The following PCDH15 variants were observed in gnomAD, a reference collection of about 807,000 sequenced individuals.
PCDH15 encodes the protein protocadherin related 15, also known as protocadherin-15.
Under a neutral mutation model 178.5 loss-of-function variants are expected in PCDH15, and 129 were observed. The ratio of observed to expected loss-of-function variants is 0.72; its 90% confidence interval spans 0.63 to 0.84. PCDH15 has a LOEUF of 0.84. PCDH15 is among the 40% of genes least tolerant of loss of function. PCDH15 has a pLI of 0.00. For missense variants in PCDH15, 2,230 were observed against 2,099.9 expected, an observed-to-expected ratio of 1.06 and a Z score of -1.21; for synonymous variants, 800 against 732.0, an observed-to-expected ratio of 1.09 and a Z score of -1.50.
At chr10:54,122,443 T>C (rs1334760685) in intron 15 of PCDH15, among the ~76,000 whole-genome samples, 1 of 152,108 alleles carries the variant, frequency 6.6e-6, no homozygotes, top group Non-Finnish European at 1.5e-5. Context: ...AGCATTCCTC[T>C]TGGAAGTGGA....
At chr10:53,940,097 A>G (rs2085921726) in intron 24 of PCDH15, among the ~76,000 whole-genome samples, 1 of 152,156 alleles carries the variant, frequency 6.6e-6, no homozygotes, top group Non-Finnish European at 1.5e-5. Flanking sequence ...AAACTCTTTT[A>G]CATTCACTCA....
chr10:54,294,301 C>T (rs999103918), intron 8 of PCDH15, among the ~76,000 whole-genome samples: 39 of 147,966 alleles, frequency 2.6e-4, no homozygotes, highest in African/African-American at 9.5e-4. Flanking sequence ...ACATCACACA[C>T]TGGGGCCTGT....
chr10:55,315,806 A>G (rs1329003848), intron 1 of PCDH15, among the ~76,000 whole-genome samples: 1 of 152,096 alleles, frequency 6.6e-6, no homozygotes, highest in African/African-American at 2.4e-5. Context: ...TCACGAGGTC[A>G]GAAGTTCAAG....
intron 2 of PCDH15, among the ~76,000 whole-genome samples, chr10:54,963,576 C>CA (rs923253554): frequency 6.6e-6 from 1 of 152,118 alleles, no homozygotes; most frequent in Non-Finnish European, 1.5e-5. Context: ...CAGCATAATA[C>CA]AAATGTAAAG....
chr10:54,025,451 C>T (rs962992385), intron 18 of PCDH15, among the ~76,000 whole-genome samples: 8 of 151,672 alleles, frequency 5.3e-5, no homozygotes, highest in East Asian at 1.9e-4. Flanking sequence ...GGACCAATCC[C>T]GGTTGCTAGA....
At chr10:54,590,629 T>G (rs2091823453) in intron 2 of PCDH15, among the ~76,000 whole-genome samples, 1 of 152,188 alleles carries the variant, frequency 6.6e-6, no homozygotes, top group African/African-American at 2.4e-5. Context: ...CTAGATGCTG[T>G]GTAACTCTGG....
intron 1 of PCDH15, among the ~76,000 whole-genome samples, chr10:54,732,953 C>T (rs947594640): frequency 2.0e-5 from 3 of 151,440 alleles, no homozygotes; most frequent in African/African-American, 7.3e-5. Flanking sequence ...AGAAGAAAAG[C>T]ATTTGATAAA....
chr10:54,126,750 A>G (rs1276294142), intron 15 of PCDH15, among the ~76,000 whole-genome samples: 1 of 152,114 alleles, frequency 6.6e-6, no homozygotes, highest in Non-Finnish European at 1.5e-5. Context: ...AAAGGTCAGT[A>G]CATCTGACCT....
At chr10:54,177,694 G>T (rs186778314) in intron 13 of PCDH15, among the ~76,000 whole-genome samples, 209 of 152,200 alleles carry the variant, frequency 1.4e-3, no homozygotes, top group Admixed American at 6.2e-3. Context: ...TAAAGCAGAG[G>T]GAAAACAAAC....
At chr10:53,941,791 G>A (rs2086090758) in intron 23 of PCDH15, among the ~76,000 whole-genome samples, 1 of 152,198 alleles carries the variant, frequency 6.6e-6, no homozygotes, top group South Asian at 2.1e-4. Context: ...ATAAATGAGA[G>A]TTGCTGTTGC....
chr10:55,288,412 A>T (rs1291658623), intron 1 of PCDH15, among the ~76,000 whole-genome samples: 11 of 151,920 alleles, frequency 7.2e-5, no homozygotes, highest in African/African-American at 2.7e-4. Flanking sequence ...GTGAATCAAA[A>T]GAAAATGTGT....
rs1253447703 is a variant in PCDH15, at chr10:53,818,959, A to G, written c.4434-946T>C. Reference sequence around the variant, plus strand: ...AGAAAGCATCTTGTATGGTTTATGCATTGTATATTGAAACTGTTTGTAAAA... The same window carrying G: ...AGAAAGCATCTTGTATGGTTTATGCGTTGTATATTGAAACTGTTTGTAAAA... On this transcript the variant is annotated intron_variant, in intron 33 of 37. Coordinates refer to ENST00000644397, the MANE Select transcript of PCDH15 (RefSeq NM_001384140.1). Among the ~76,000 whole-genome samples the G allele has an allele frequency of 9.1e-4, 139 of 152,136 alleles. 1 individual carries two copies. The highest frequency in any genetic ancestry group is 7.4e-5 in the Non-Finnish European group (5 of 67,896).
At chr10:54,687,120 CA>C (rs1366448400) in intron 1 of PCDH15, among the ~76,000 whole-genome samples, 2 of 151,954 alleles carry the variant, frequency 1.3e-5, no homozygotes, top group African/African-American at 4.8e-5. Flanking sequence ...AAAACAAAAA[CA>C]AAGAAATCAA....
chr10:55,150,351 C>G (rs941277696), intron 2 of PCDH15, among the ~76,000 whole-genome samples: 1 of 152,088 alleles, frequency 6.6e-6, no homozygotes, highest in South Asian at 2.1e-4. Context: ...CTCTGTGATA[C>G]TATCAGCCTT....
At chr10:54,427,661 T>G (rs1956455972) in intron 3 of PCDH15, among the ~76,000 whole-genome samples, 1 of 152,194 alleles carries the variant, frequency 6.6e-6, no homozygotes, top group Admixed American at 6.5e-5. Context: ...TTTTTTGTAA[T>G]AGATGTCTCT....
intron 1 of PCDH15, among the ~76,000 whole-genome samples, chr10:54,735,458 C>A (rs971369825): frequency 6.6e-6 from 1 of 151,114 alleles, no homozygotes; most frequent in Admixed American, 6.6e-5. Context: ...GTCAGTGTGG[C>A]GATTCCTCAG....
intron 1 of PCDH15, among the ~76,000 whole-genome samples, chr10:55,312,135 AAGG>A (rs1843600036): frequency 6.6e-6 from 1 of 152,136 alleles, no homozygotes. Flanking sequence ...AAACTGCTGA[AAGG>A]AGATTATTGT....
chr10:54,753,889 TTTGTG>T (rs1946680532), intron 1 of PCDH15, among the ~76,000 whole-genome samples: 2 of 42,524 alleles, frequency 4.7e-5, no homozygotes, highest in Non-Finnish European at 9.4e-5. Context: ...TTTTTGTTTG[TTTGTG>T]TTTTTTTTTT....
intron 2 of PCDH15, among the ~76,000 whole-genome samples, chr10:55,366,939 G>GTGTA (rs1353179170): frequency 3.3e-5 from 5 of 150,074 alleles, no homozygotes; most frequent in Non-Finnish European, 5.9e-5. Context: ...GTGTGTGTGT[G>GTGTA]TGTGTTTCAC....
Sources: allele counts gnomAD v4.1 joint callset (sites outside exome capture counted in the v4.1 genomes callset), GRCh38; gene constraint gnomAD v4.1.1; transcripts MANE v1.5; gene names NCBI Gene and HGNC (gene_info 2026-07-23, HGNC 2026-07-21).